Variants in PTPRN2 observed in about 807,000 individuals in gnomAD.
The protein encoded by PTPRN2 is receptor-type tyrosine-protein phosphatase N2.
In PTPRN2, 74 loss-of-function variants were observed where a neutral mutation model predicts 118.8. The ratio of observed to expected loss-of-function variants is 0.62; its 90% CI spans 0.52 to 0.76. The LOEUF is 0.76. PTPRN2 is among the 30% of genes least tolerant of loss of function. PTPRN2 has a pLI of 0.00. For synonymous variants in PTPRN2, 641 were observed against 608.0 expected, an observed-to-expected ratio of 1.05 and a Z score of -0.80; for missense variants, 1,481 against 1,394.4, an observed-to-expected ratio of 1.06 and a Z score of -0.99.
chr7:157,742,805 A>G (rs1444128523), intron 12 of PTPRN2, among the ~76,000 whole-genome samples: 1 of 152,264 alleles, frequency 6.6e-6, no homozygotes, highest in Non-Finnish European at 1.5e-5. Flanking sequence ...ACACAGTCTC[A>G]GTGAGATGAT....
chr7:158,166,838 C>T, intron 6 of PTPRN2, 93 bp downstream of exon 6: 1 of 1,365,920 alleles, frequency 7.3e-7, no homozygotes, highest in Non-Finnish European at 9.5e-7. Context: ...TGTGCAGACC[C>T]CACGTGTGGG....
intron 13 of PTPRN2, among the ~76,000 whole-genome samples, chr7:157,668,152 G>T (rs758040042): frequency 5.9e-5 from 9 of 152,240 alleles, no homozygotes; most frequent in Non-Finnish European, 1.3e-4. Flanking sequence ...GGGCGTGTCC[G>T]CAGAGTCCTC....
rs1316281837 is a variant in PTPRN2 at position 157,676,231 on chromosome 7, C to A, written c.2001+6494G>T. ...AGCCCAGTTCCTCCTGGCAGCCCTG[C>A]AAATGCCCACCCTCTTGGGTCTGTC... On this transcript the variant is annotated intron_variant, in intron 13 of 22. Coordinates refer to ENST00000389418, the MANE Select transcript of PTPRN2 (RefSeq NM_002847.5). The surrounding 1 kb of genome is among the most constrained non-coding windows in gnomAD (Gnocchi z 5.6). 6.6e-6 allele frequency among the ~76,000 whole-genome samples: 1 copy of A among 152,126 alleles called. No homozygotes were observed. The highest frequency in any genetic ancestry group is 1.5e-5 in the Non-Finnish European group (1 of 68,020).
chr7:157,751,788 G>A (rs538338709), intron 12 of PTPRN2, among the ~76,000 whole-genome samples: 2 of 151,866 alleles, frequency 1.3e-5, no homozygotes, highest in Non-Finnish European at 2.9e-5. Context: ...AAGACCGAGG[G>A]GACCATTCCT....
intron 13 of PTPRN2, among the ~76,000 whole-genome samples, chr7:157,681,647 G>A (rs772510777): frequency 6.6e-6 from 1 of 152,204 alleles, no homozygotes; most frequent in Non-Finnish European, 1.5e-5. Flanking sequence ...GGAGGGTCCT[G>A]AGAGCTCACA....
intron 10 of PTPRN2, among the ~76,000 whole-genome samples, chr7:158,101,879 G>T (rs1010203625): frequency 6.6e-6 from 1 of 152,184 alleles, no homozygotes; most frequent in East Asian, 1.9e-4. Context: ...CCCAGGGGAT[G>T]TTACTGGGGG....
chr7:157,573,705 C>G (rs1799873113), intron 19 of PTPRN2, among the ~76,000 whole-genome samples: 1 of 152,186 alleles, frequency 6.6e-6, no homozygotes, highest in Non-Finnish European at 1.5e-5. Context: ...GGGAAATGCT[C>G]CTAGCCAGTG....
intron 14 of PTPRN2, among the ~76,000 whole-genome samples, chr7:157,636,086 C>T (rs1262581140): frequency 6.6e-6 from 1 of 152,226 alleles, no homozygotes; most frequent in African/African-American, 2.4e-5. Flanking sequence ...ACAATTTCAA[C>T]ATTAGCTGCT....
intron 2 of PTPRN2, among the ~76,000 whole-genome samples, chr7:158,374,539 A>C (rs1450111085): frequency 3.9e-5 from 6 of 152,210 alleles, no homozygotes; most frequent in African/African-American, 1.4e-4. Context: ...GACTTTATTC[A>C]TAGGCGCCAA....
At position 157,615,265 on chromosome 7, in the gene PTPRN2, A is replaced by C. The variant is rs1198288112; in HGVS notation, c.2344+6097T>G. On this transcript the variant is annotated intron_variant, in intron 15 of 22. Transcript: ENST00000389418. This position sits in a 1 kb window ranked among gnomAD's most constrained non-coding sequence, Gnocchi z 4.3. ...GAGGAAGTCATGCTAAGCCAGCCACACTTCTGCTCCAGAGAGGGCCCTGCA... is the reference window on the plus strand; with the variant it reads ...GAGGAAGTCATGCTAAGCCAGCCACCCTTCTGCTCCAGAGAGGGCCCTGCA... The C allele has an allele frequency of 5.7e-6, 2 of 351,668 alleles. No individual in the cohort carries two copies. Among genetic ancestry groups the C allele is most frequent in the African/African-American group, 4.3e-5 (2 of 46,646 alleles). The allele number at this position is 351,668 out of a possible 1,614,324, so 21.8% of individuals were successfully genotyped here.
intron 9 of PTPRN2, among the ~76,000 whole-genome samples, chr7:158,119,671 T>C (rs1462767393): frequency 1.3e-5 from 2 of 152,152 alleles, no homozygotes; most frequent in Non-Finnish European, 2.9e-5. Flanking sequence ...AGTAAATTGT[T>C]ATAATTGTTC....
At chr7:157,604,826 G>A (rs1382538215) in intron 15 of PTPRN2, among the ~76,000 whole-genome samples, 2 of 152,238 alleles carry the variant, frequency 1.3e-5, no homozygotes, top group Non-Finnish European at 2.9e-5. Context: ...TATGAGAGCT[G>A]TCTTGGCTTT....
chr7:157,557,379 C>T (rs1292674537), intron 21 of PTPRN2, among the ~76,000 whole-genome samples: 1 of 152,050 alleles, frequency 6.6e-6, no homozygotes, highest in Non-Finnish European at 1.5e-5. Flanking sequence ...CACACACATA[C>T]ATCATACACA....
At chr7:157,747,726 G>A (rs55700673) in intron 12 of PTPRN2, among the ~76,000 whole-genome samples, 1 of 133,830 alleles carries the variant, frequency 7.5e-6, no homozygotes, top group African/African-American at 2.9e-5. Context: ...CTGTTGAGGT[G>A]ATTCTGAGGC....
intron 12 of PTPRN2, among the ~76,000 whole-genome samples, chr7:157,796,620 G>C (rs918708421): frequency 1.2e-4 from 19 of 152,338 alleles, no homozygotes; most frequent in African/African-American, 4.6e-4. Context: ...CCTGAGACTG[G>C]ATGATTCTAG....
intron 2 of PTPRN2, among the ~76,000 whole-genome samples, chr7:158,398,918 T>C (rs1015246279): frequency 6.6e-5 from 10 of 152,262 alleles, no homozygotes; most frequent in African/African-American, 2.2e-4. Context: ...ATTGTGACTT[T>C]GTAAATGCTA....
chr7:157,789,209 C>T lies in PTPRN2; in HGVS notation c.1789-106272G>A, dbSNP rs78260353. On this transcript the variant is annotated intron_variant, in intron 12 of 22. Transcript: ENST00000389418. ...ATGCTTCCGGGATGAATTTGGTTCA[C>T]CTTTGAAGGACACTTTGAAAGCAAC... Among the ~76,000 whole-genome samples the T allele has an allele frequency of 0.011, 1,679 of 152,308 alleles. 59 individuals carry two copies. In the South Asian group the frequency reaches 0.12, roughly 11 times the overall value.
intron 13 of PTPRN2, among the ~76,000 whole-genome samples, chr7:157,665,639 T>TA (rs5888724): frequency 0.38 from 58,246 of 151,880 alleles, 12,207 homozygotes; most frequent in Non-Finnish European, 0.49. Flanking sequence ...ATATGTGAAC[T>TA]AAGAAAAGGA....
At chr7:157,981,203 T>C (rs1382015553) in intron 11 of PTPRN2, among the ~76,000 whole-genome samples, 1 of 152,246 alleles carries the variant, frequency 6.6e-6, no homozygotes, top group Non-Finnish European at 1.5e-5. Context: ...TTGGTCCTTA[T>C]ACAAATTCAG....
Sources: gnomAD v4.1 joint callset for allele counts (sites outside exome capture counted in the v4.1 genomes callset) on GRCh38, gnomAD v4.1.1 for gene constraint, Gnocchi (gnomAD v3.1) non-coding constraint, MANE v1.5 for transcripts, NCBI Gene and HGNC (gene_info 2026-07-23, HGNC 2026-07-21) for gene names.